The following HSF4 variants were observed in gnomAD, a reference collection of about 807,000 sequenced individuals.
The protein encoded by HSF4 is heat shock factor protein 4.
HSF4 carries 41 observed loss-of-function variants against 52.0 expected under a neutral mutation model. The ratio of observed to expected loss-of-function variants is 0.79; its 90% CI spans 0.61 to 1.02. The LOEUF is 1.02. Ranked by LOEUF, HSF4 falls within the 50% of genes least tolerant of loss-of-function variation. HSF4 has a pLI of 0.00. For missense variants in HSF4, 610 were observed against 651.1 expected (o/e 0.94, Z 0.69); for synonymous variants, 285 against 273.0 (o/e 1.04, Z -0.43).
chr16:67,167,093 C>A, intron 6 of HSF4, 27 bp from the exon 7 acceptor site: 1 of 1,613,852 alleles, frequency 6.2e-7, no homozygotes, highest in Non-Finnish European at 8.5e-7. Context: ...TGCCCCACCC[C>A]TGCCTGTGCC....
At chr16:67,167,378 A>T in intron 7 of HSF4, 97 bp from the exon 8 acceptor site, 1 of 1,611,286 alleles carries the variant, frequency 6.2e-7, no homozygotes, top group South Asian at 1.1e-5. Context: ...CCTCCCTCAA[A>T]CCTTCTCCCT....
rs745828590 is a variant in HSF4 at position 67,167,706 on chromosome 16, T to A, written c.855-14T>A. The A allele has an allele frequency of 3.1e-6, 5 of 1,611,736 alleles. No individual in the cohort carries two copies. In the South Asian group the frequency reaches 5.5e-5, roughly 18 times the overall value. Reference sequence around the variant, plus strand: ...TCAGTGCCAGGGTCTGGTTGAAGCTTTTCTCTGGTGCAGGGAGAAGGGCCT... The same window carrying A: ...TCAGTGCCAGGGTCTGGTTGAAGCTATTCTCTGGTGCAGGGAGAAGGGCCT... On this transcript the variant is annotated splice_polypyrimidine_tract_variant and intron_variant, in intron 8 of 12. Transcript: ENST00000521374.
upstream of HSF4, chr16:67,164,068 A>G (rs886052213): frequency 1.3e-5 from 9 of 701,002 alleles, no homozygotes; most frequent in Non-Finnish European, 2.3e-5. Context: ...TCTTGCCTCC[A>G]CCCCTCTGCG....
chr16:67,169,519 A>C lies in HSF4; in HGVS notation c.1325-112A>C. ...ACCATTGGGCGAGAGTGGGGAGGTT[A>C]AGAATGGATGTTTTATCCTAACTGA... On this transcript the variant is annotated intron_variant, in intron 12 of 12. Coordinates refer to ENST00000521374, the MANE Select transcript of HSF4 (RefSeq NM_001374675.1). This position sits in a 1 kb window ranked among gnomAD's most constrained non-coding sequence, Gnocchi z 4.3. The C allele has an allele frequency of 6.3e-7, 1 of 1,594,316 alleles. No individual in the cohort carries two copies. Among genetic ancestry groups the C allele is most frequent in the Non-Finnish European group, 8.5e-7 (1 of 1,176,514 alleles).
intron 8 of HSF4, 58 bp from the exon 9 acceptor site, chr16:67,167,662 G>A (rs576125045): frequency 2.1e-4 from 337 of 1,612,110 alleles, no homozygotes; most frequent in Non-Finnish European, 2.7e-4. Flanking sequence ...CCAGATGGCT[G>A]TAGGGGTAGA....
chr16:67,167,465 C>G lies in HSF4; in HGVS notation c.730-10C>G. The G allele has an allele frequency of 6.2e-7, 1 of 1,613,840 alleles. No individual in the cohort carries two copies. Among genetic ancestry groups the G allele is most frequent in the Non-Finnish European group, 8.5e-7 (1 of 1,180,036 alleles). On this transcript the variant is annotated splice_polypyrimidine_tract_variant and intron_variant, in intron 7 of 12. Transcript: ENST00000521374. ...CAGGCCAAGGGCTGGGCCTAGCCTT[C>G]TACTTACAGCCTCTCCCAGAGACAA...
Position 67,166,196 on chromosome 16 carries a change from T to C in HSF4, c.486-124T>C, listed in dbSNP as rs576952778. The C allele has an allele frequency of 4.8e-5, 66 of 1,367,402 alleles. No homozygotes were observed. The African/African-American group carries it at 8.0e-4, about 17-fold the overall frequency. The allele number at this position is 1,367,402 out of a possible 1,614,324, so 84.7% of individuals were successfully genotyped here. On this transcript the variant is annotated intron_variant, in intron 4 of 12. Coordinates refer to ENST00000521374, the MANE Select transcript of HSF4 (RefSeq NM_001374675.1). Reference sequence around the variant, plus strand: ...GCCTTGGCGCCTCCATCTAGACTTATGGGCGATCTCTGGGATGGCCAGTCA... The same window carrying C: ...GCCTTGGCGCCTCCATCTAGACTTACGGGCGATCTCTGGGATGGCCAGTCA...
rs1026569024 is a variant in HSF4, at chr16:67,165,421, A to C, written c.124-101A>C. 1.8e-5 allele frequency: 19 copies of C among 1,067,102 alleles called. No individual in the cohort carries two copies. Among genetic ancestry groups the C allele is most frequent in the Non-Finnish European group, 2.3e-5 (16 of 689,036 alleles). The allele number at this position is 1,067,102 out of a possible 1,614,324, so 66.1% of individuals were successfully genotyped here. A position where few individuals can be genotyped will look rare whatever the true frequency, so the allele number is the denominator to read the frequency against. On this transcript the variant is annotated intron_variant, in intron 1 of 12. Coordinates refer to ENST00000521374, the MANE Select transcript of HSF4 (RefSeq NM_001374675.1). The surrounding 1 kb of genome is among the most constrained non-coding windows in gnomAD (Gnocchi z 6.9). ...GGCAGGCCTGGACCCAAGAGTGAGC[A>C]TGAGTGTGTGCGCGCGCTGGAGCGC...
Position 67,169,304 on chromosome 16 carries a change from G to A in HSF4, c.1280G>A (p.Gly427Asp), listed in dbSNP as rs1340276597. The A allele has an allele frequency of 1.2e-6, 2 of 1,613,754 alleles. No individual in the cohort carries two copies. The highest frequency in any genetic ancestry group is 1.7e-6 in the Non-Finnish European group (2 of 1,180,002). ...SLMQPLVPERGEPELAVKGLN... is the reference protein window; with the variant it reads ...SLMQPLVPERDEPELAVKGLN... ...ATGCAGCCCTTGGTTCCAGAGCGGG[G>A]TGAGCCTGAGCTGGCGGTCAAGGGG... is the stretch of plus-strand genomic sequence containing the variant. The change falls in exon 12 of 13, where the codon GGT becomes GAT. Residue 427 changes from glycine (G) to aspartate (D), a missense_variant. By Grantham distance (94) the Gly-to-Asp change is moderately conservative. Transcript: ENST00000521374. The surrounding 1 kb of genome is among the most constrained non-coding windows in gnomAD (Gnocchi z 4.3).
chr16:67,163,927 GCC>G, upstream of HSF4: 1 of 1,478,420 alleles, frequency 6.8e-7, no homozygotes. Context: ...TGGGATTGTT[GCC>G]CCCCGGGTCT....
Position 67,167,517 on chromosome 16 carries a change from A to T in HSF4, c.772A>T (p.Arg258Trp), listed in dbSNP as rs1378829338. The part of the protein sequence containing the change: ...TNLGLSPHRA[R>W]GPIISDIPED... ...TTTGGGCCTTAGCCCTCACAGGGCC[A>T]GGGGCCCCATCATCTCTGACATCCC... Residue 258 changes from arginine (R) to tryptophan (W), a missense_variant, in exon 8 of 13, where the codon AGG (arginine) becomes TGG (tryptophan). Transcript: ENST00000521374. The T allele has an allele frequency of 6.2e-7, 1 of 1,613,548 alleles. No homozygotes were observed. Among genetic ancestry groups the T allele is most frequent in the Non-Finnish European group, 8.5e-7 (1 of 1,179,902 alleles).
intron 7 of HSF4, 100 bp downstream of exon 7, chr16:67,167,322 GC>G: frequency 6.2e-7 from 1 of 1,608,784 alleles, no homozygotes; most frequent in Non-Finnish European, 8.5e-7. Context: ...ATGGAAGCCA[GC>G]CTTCCCCCCA....
intron 7 of HSF4, 28 bp from the exon 8 acceptor site, chr16:67,167,447 A>C: frequency 6.2e-7 from 1 of 1,613,778 alleles, no homozygotes; most frequent in Non-Finnish European, 8.5e-7. Flanking sequence ...CTACAGGCCA[A>C]GGGCTGGGCC....
chr16:67,164,087 A>G, upstream of HSF4: 1 of 689,600 alleles, frequency 1.5e-6, no homozygotes, highest in Admixed American at 2.0e-5. Flanking sequence ...CGGACTCTGC[A>G]GCTCCGCGGC....
Position 67,169,931 on chromosome 16 carries a change from C to CT in HSF4, c.*146_*147insT. 1 of 770,616 alleles carries CT rather than the reference C, an allele frequency of 1.3e-6. No homozygotes were observed. Among genetic ancestry groups the CT allele is most frequent in the Non-Finnish European group, 2.1e-6 (1 of 473,096 alleles). The allele number at this position is 770,616 out of a possible 1,614,324, so 47.7% of individuals were successfully genotyped here. A position where few individuals can be genotyped will look rare whatever the true frequency, so the allele number is the denominator to read the frequency against. On this transcript the variant is annotated 3_prime_UTR_variant, in exon 13 of 13. Transcript: ENST00000521374. The surrounding 1 kb of genome is among the most constrained non-coding windows in gnomAD (Gnocchi z 4.3). Reference sequence around the variant, plus strand: ...CCCGACTATCCCTGCACATAAACTCCGTTTTTTTTTTTTCTGTTTCTGGTC... The same window carrying CT: ...CCCGACTATCCCTGCACATAAACTCCTGTTTTTTTTTTTTCTGTTTCTGGTC...
upstream of HSF4, chr16:67,164,133 C>A: frequency 1.5e-6 from 1 of 656,028 alleles, no homozygotes; most frequent in Non-Finnish European, 2.8e-6. Context: ...GGGCGCGGGC[C>A]GGGCCTCAAG....
At chr16:67,168,041 C>T (rs1449120283) in intron 9 of HSF4, 94 bp downstream of exon 9, 5 of 1,039,668 alleles carry the variant, frequency 4.8e-6, no homozygotes, top group Middle Eastern at 2.0e-4. Context: ...ATGATACTCA[C>T]CTGATTTCTT....
At position 67,166,348 on chromosome 16, in the gene HSF4, G is replaced by C; in HGVS notation, c.514G>C (p.Val172Leu). The change falls in exon 5 of 13, where the codon GTG becomes CTG. Residue 172 changes from valine to leucine, a missense_variant. Val to Leu is a conservative substitution (Grantham distance 32). Coordinates refer to ENST00000521374, the MANE Select transcript of HSF4 (RefSeq NM_001374675.1). ...GAACGAGATCTTGTGGCGGGAGGTG[G>C]TGACACTTCGGCAGAGCCACGGTCA... ...QQNEILWREV[V>L]TLRQSHGQQH... is the part of the protein sequence containing the mutation. The C allele has an allele frequency of 6.2e-7, 1 of 1,607,862 alleles. No homozygotes were observed. The highest frequency in any genetic ancestry group is 8.5e-7 in the Non-Finnish European group (1 of 1,177,290).
chr16:67,166,474 G>A, intron 5 of HSF4, 79 bp downstream of exon 5: 1 of 1,600,272 alleles, frequency 6.2e-7, no homozygotes, highest in Non-Finnish European at 8.6e-7. Flanking sequence ...CGGCGCCCCT[G>A]TTAAGCCTTC....
Sources: gnomAD v4.1 joint callset for allele counts on GRCh38, gnomAD v4.1.1 for gene constraint, Gnocchi (gnomAD v3.1) non-coding constraint, MANE v1.5 for transcripts, NCBI Gene and HGNC (gene_info 2026-07-23, HGNC 2026-07-21) for gene names.